Variants in ROBO2 observed in about 807,000 individuals in gnomAD.
ROBO2 encodes roundabout guidance receptor 2, also known as roundabout homolog 2.
ROBO2 carries 53 observed loss-of-function variants against 160.8 expected under a neutral mutation model. The observed-to-expected ratio is 0.33, with a 90% CI of 0.26 to 0.41. The LOEUF is 0.41. Ranked by LOEUF, ROBO2 falls within the 10% of genes least tolerant of loss-of-function variation. ROBO2 has a pLI of 1.00. For synonymous variants in ROBO2, 664 were observed against 611.7 expected, an observed-to-expected ratio of 1.09 and a Z score of -1.26; for missense variants, 1,577 against 1,722.4, an observed-to-expected ratio of 0.92 and a Z score of 1.49.
intron 2 of ROBO2, among the ~76,000 whole-genome samples, chr3:76,103,624 C>A (rs1289855229): frequency 2.6e-5 from 4 of 152,130 alleles, no homozygotes; most frequent in Non-Finnish European, 4.4e-5. Flanking sequence ...ACCACAGACA[C>A]CTGTGGATAC....
At chr3:77,200,586 G>T (rs9812479) in intron 2 of ROBO2, among the ~76,000 whole-genome samples, 1 of 151,612 alleles carries the variant, frequency 6.6e-6, no homozygotes, top group African/African-American at 2.4e-5. Context: ...GCATAAAGAC[G>T]ATGCTCCTAG....
chr3:77,503,908 G>A (rs910337058), intron 5 of ROBO2, among the ~76,000 whole-genome samples: 2 of 152,180 alleles, frequency 1.3e-5, no homozygotes, highest in African/African-American at 2.4e-5. Flanking sequence ...GTTAGTGTAT[G>A]AAGGAGATAT....
chr3:76,249,454 G>A (rs143026990), intron 2 of ROBO2, among the ~76,000 whole-genome samples: 6,150 of 152,138 alleles, frequency 0.04, 344 homozygotes, highest in African/African-American at 0.12. Flanking sequence ...TATTTACCCA[G>A]GTGAGCCAGA....
At chr3:76,062,693 A>G (rs1019811156) in intron 2 of ROBO2, among the ~76,000 whole-genome samples, 3 of 152,212 alleles carry the variant, frequency 2.0e-5, no homozygotes, top group Non-Finnish European at 1.5e-5. Flanking sequence ...CAGGCACAGT[A>G]TTCAAAGAAG....
At chr3:77,075,682 T>TTTTTTTTTTTTTTTTTTTTTTG in intron 1 of ROBO2, among the ~76,000 whole-genome samples, 1 of 130,774 alleles carries the variant, frequency 7.6e-6, no homozygotes. Context: ...CTTTTTTTTT[T>TTTTTTTTTTTTTTTTTTTTTTG]TTTTTTTTTT....
At chr3:77,475,756 C>T (rs1036677516) in intron 2 of ROBO2, among the ~76,000 whole-genome samples, 1 of 152,170 alleles carries the variant, frequency 6.6e-6, no homozygotes, top group Non-Finnish European at 1.5e-5. Flanking sequence ...GATTTACCTG[C>T]AAGAGGGAAC....
intron 2 of ROBO2, among the ~76,000 whole-genome samples, chr3:77,107,350 A>G (rs1277299889): frequency 6.6e-6 from 1 of 152,184 alleles, no homozygotes; most frequent in East Asian, 1.9e-4. Context: ...TTTGGATGCA[A>G]TGACAGACAG....
intron 1 of ROBO2, among the ~76,000 whole-genome samples, chr3:77,064,644 G>C (rs1006931051): frequency 3.9e-5 from 6 of 152,096 alleles, no homozygotes; most frequent in Non-Finnish European, 7.4e-5. Context: ...TAAGGTGTGA[G>C]CCAACACACC....
At chr3:76,485,179 A>G (rs1191024283) in intron 2 of ROBO2, among the ~76,000 whole-genome samples, 4 of 152,034 alleles carry the variant, frequency 2.6e-5, no homozygotes, top group Non-Finnish European at 4.4e-5. Context: ...AAAGTATACA[A>G]TTCTCATAAT....
At chr3:76,885,913 C>G (rs1358661495) in intron 2 of ROBO2, among the ~76,000 whole-genome samples, 1 of 152,048 alleles carries the variant, frequency 6.6e-6, no homozygotes. Flanking sequence ...TTATGTGCAA[C>G]CTGAAAGTGT....
chr3:76,966,334 A>G (rs927637179), intron 2 of ROBO2, among the ~76,000 whole-genome samples: 11 of 152,202 alleles, frequency 7.2e-5, no homozygotes, highest in African/African-American at 2.7e-4. Flanking sequence ...TATTCCAGGC[A>G]CTGTGCTCAG....
intron 2 of ROBO2, among the ~76,000 whole-genome samples, chr3:76,529,974 TCTC>T (rs2082139603): frequency 6.6e-6 from 1 of 152,148 alleles, no homozygotes; most frequent in South Asian, 2.1e-4. Context: ...TCACTTCCTC[TCTC>T]CTCTCCTGAT....
chr3:76,911,790 T>G (rs1424133463), intron 2 of ROBO2, among the ~76,000 whole-genome samples: 1 of 151,788 alleles, frequency 6.6e-6, no homozygotes, highest in Non-Finnish European at 1.5e-5. Context: ...AAGACAACAA[T>G]AACAACAACA....
chr3:75,946,530 G>A (rs1259305163), intron 2 of ROBO2, among the ~76,000 whole-genome samples: 4 of 152,066 alleles, frequency 2.6e-5, no homozygotes, highest in Non-Finnish European at 5.9e-5. Flanking sequence ...TAACATGGTT[G>A]AGTAAAACTG....
chr3:77,193,448 G>GTTTT (rs552295952), intron 2 of ROBO2, among the ~76,000 whole-genome samples: 12 of 121,650 alleles, frequency 9.9e-5, no homozygotes, highest in South Asian at 5.5e-4. Context: ...GCCCAGCTAA[G>GTTTT]TTTTTTTTTT....
At chr3:76,544,164 C>G (rs140658492) in intron 2 of ROBO2, among the ~76,000 whole-genome samples, 1 of 152,106 alleles carries the variant, frequency 6.6e-6, no homozygotes, top group African/African-American at 2.4e-5. Context: ...TTCTTCATGT[C>G]CTAAAGAGTC....
intron 2 of ROBO2, among the ~76,000 whole-genome samples, chr3:76,834,539 ATTTTTATAT>A (rs1559576458): frequency 6.6e-6 from 1 of 151,814 alleles, no homozygotes; most frequent in African/African-American, 2.4e-5. Context: ...TGCCTGGCTA[ATTTTTATAT>A]TTTTTGTAGA....
chr3:77,154,520 G>A (rs1157198374), intron 2 of ROBO2, among the ~76,000 whole-genome samples: 1 of 151,898 alleles, frequency 6.6e-6, no homozygotes, highest in African/African-American at 2.4e-5. Context: ...CCCATTTCTG[G>A]GTATATATCC....
intron 2 of ROBO2, among the ~76,000 whole-genome samples, chr3:76,157,914 G>A (rs1053266989): frequency 1.3e-5 from 2 of 152,016 alleles, no homozygotes; most frequent in Non-Finnish European, 2.9e-5. Context: ...TTGAGACTTG[G>A]CAGAGTCTCA....
Sources: allele counts gnomAD v4.1 joint callset (sites outside exome capture counted in the v4.1 genomes callset), GRCh38; gene constraint gnomAD v4.1.1; transcripts MANE v1.5; gene names NCBI Gene and HGNC (gene_info 2026-07-23, HGNC 2026-07-21).